Variants in CEP162 observed in about 807,000 individuals in gnomAD.
The protein encoded by CEP162 is centrosomal protein 162.
Under a neutral mutation model 169.2 loss-of-function variants are expected in CEP162, and 141 were observed. The ratio of observed to expected loss-of-function variants is 0.83; its 90% CI spans 0.73 to 0.96. CEP162 has a LOEUF of 0.96. Ranked by LOEUF, CEP162 falls within the 40% of genes least tolerant of loss-of-function variation. The pLI is 0.00. For synonymous variants in CEP162, 540 were observed against 526.4 expected (o/e 1.03, Z -0.35); for missense variants, 1,600 against 1,587.2 (o/e 1.01, Z -0.14).
chr6:84,218,714 G>C (rs755795358), intron 3 of CEP162, among the ~76,000 whole-genome samples: 41 of 152,176 alleles, frequency 2.7e-4, no homozygotes, highest in Non-Finnish European at 5.0e-4. Flanking sequence ...AAAAGGCTAA[G>C]AATCAATTTA....
chr6:84,163,924 A>T (rs915070537), intron 18 of CEP162, among the ~76,000 whole-genome samples: 20 of 152,076 alleles, frequency 1.3e-4, no homozygotes, highest in Admixed American at 2.0e-4. Flanking sequence ...GGCAACCTAC[A>T]GAATGGGAGG....
intron 11 of CEP162, among the ~76,000 whole-genome samples, chr6:84,186,983 T>C (rs896831705): frequency 1.3e-5 from 2 of 152,202 alleles, no homozygotes; most frequent in Non-Finnish European, 2.9e-5. Flanking sequence ...TATCTACAAT[T>C]TCTTATAAAG....
intron 9 of CEP162, among the ~76,000 whole-genome samples, chr6:84,198,090 C>T (rs1588856407): frequency 1.3e-5 from 2 of 152,098 alleles, no homozygotes; most frequent in African/African-American, 2.4e-5. Context: ...ATATTCTTAA[C>T]AAAAGAGAAT....
intron 11 of CEP162, among the ~76,000 whole-genome samples, chr6:84,190,031 T>C (rs917006778): frequency 6.6e-6 from 1 of 151,756 alleles, no homozygotes; most frequent in Non-Finnish European, 1.5e-5. Context: ...TGTGTTTAGC[T>C]CAAGGTTTGT....
chr6:84,161,666 T>C lies in CEP162; in HGVS notation c.2676+80A>G. The C allele has an allele frequency of 4.0e-6, 4 of 1,011,772 alleles. No individual in the cohort carries two copies. The South Asian group carries it at 6.1e-5, about 15-fold the overall frequency. 62.7% of individuals were successfully genotyped at this position (1,011,772 alleles called of 1,614,324 possible). A position where few individuals can be genotyped will look rare whatever the true frequency, so the allele number is the denominator to read the frequency against. On this transcript the variant is annotated intron_variant, in intron 20 of 26. Transcript: ENST00000403245. The stretch of plus-strand genomic sequence containing the variant: ...AGATCTTAATTAATTAATGATGCAA[T>C]GACAAAAGGTTATGTACAACAGATA...
At chr6:84,157,991 T>A (rs1562023931) in intron 21 of CEP162, among the ~76,000 whole-genome samples, 1 of 152,328 alleles carries the variant, frequency 6.6e-6, no homozygotes, top group East Asian at 1.9e-4. Context: ...AAGGACTGGA[T>A]ACTTTTCATT....
chr6:84,180,855 C>T (rs1470094507), intron 13 of CEP162, among the ~76,000 whole-genome samples: 3 of 151,986 alleles, frequency 2.0e-5, no homozygotes, highest in African/African-American at 7.3e-5. Flanking sequence ...AGGACACAAA[C>T]AAATGGAAGA....
Position 84,204,002 on chromosome 6 carries a change from TTC to T in CEP162, c.664_665del (p.Glu222LysfsTer17). 2 of 1,608,256 alleles carry T rather than the reference TTC, an allele frequency of 1.2e-6. No homozygotes were observed. The highest frequency in any genetic ancestry group is 2.2e-5 in the South Asian group (2 of 89,818). On this transcript the variant is annotated frameshift_variant, in exon 7 of 27. Transcript: ENST00000403245. LOFTEE classifies it high-confidence loss of function. ...EMPSKENSKS[E>X]KISVPKQEEE... ...ATACCTGTTTGGGCACACTTATTTT[TTC>T]TGATTTGGAATTCTCTTTGGAAGGC... is the stretch of plus-strand genomic sequence containing the variant.
rs889107768 is a variant in CEP162 at position 84,146,417 on chromosome 6, C to T, written c.3870+270G>A. Among the ~76,000 whole-genome samples the T allele has an allele frequency of 3.9e-5, 6 of 151,930 alleles. No homozygotes were observed. The East Asian group carries it at 5.8e-4, about 15-fold the overall frequency. On this transcript the variant is annotated intron_variant, in intron 25 of 26. Transcript: ENST00000403245. ...ATTCAATTTTGTCTCCTGAAGAAAA[C>T]AAACAGAAAACCCAAACATCTCCCG...
intron 11 of CEP162, among the ~76,000 whole-genome samples, chr6:84,190,011 A>G (rs999908527): frequency 1.2e-4 from 17 of 147,080 alleles, no homozygotes; most frequent in Admixed American, 6.1e-4. Context: ...AAATATACCA[A>G]TCAGCACCCT....
chr6:84,138,267 C>T (rs1247760945), intron 25 of CEP162, among the ~76,000 whole-genome samples: 1 of 152,182 alleles, frequency 6.6e-6, no homozygotes, highest in African/African-American at 2.4e-5. Flanking sequence ...TGTTTTCAGA[C>T]ACTGGATAAC....
chr6:84,152,979 A>T lies in CEP162; in HGVS notation c.3195T>A (p.Asp1065Glu). The T allele has an allele frequency of 1.9e-6, 3 of 1,613,572 alleles. No homozygotes were observed. Among genetic ancestry groups the T allele is most frequent in the Non-Finnish European group, 2.5e-6 (3 of 1,179,756 alleles). Residue 1065 changes from aspartate to glutamate, a missense_variant, in exon 23 of 27, where the codon GAT (aspartate) becomes GAA (glutamate). Coordinates refer to ENST00000403245, the MANE Select transcript of CEP162 (RefSeq NM_014895.4). Reference protein sequence around the residue: ...QNAELDVKKNDKDDEDFQSIE... With the variant: ...QNAELDVKKNEKDDEDFQSIE... ...TAGACTGAAAATCTTCATCATCTTTATCATTTTTCTTGACGTCTAATTCAG... is the reference window on the plus strand; with the variant it reads ...TAGACTGAAAATCTTCATCATCTTTTTCATTTTTCTTGACGTCTAATTCAG...
intron 11 of CEP162, among the ~76,000 whole-genome samples, chr6:84,188,357 T>C (rs944865560): frequency 1.4e-4 from 22 of 152,058 alleles, no homozygotes; most frequent in Admixed American, 1.4e-3. Flanking sequence ...TAGTACCCAA[T>C]AGGTAGTTTT....
chr6:84,203,920 A>G, intron 7 of CEP162, 61 bp downstream of exon 7: 1 of 932,286 alleles, frequency 1.1e-6, no homozygotes, highest in Non-Finnish European at 1.7e-6. Flanking sequence ...TCATATAGCA[A>G]TAGGCAGCCA....
chr6:84,132,804 C>T (rs910815013), intron 25 of CEP162, among the ~76,000 whole-genome samples: 9 of 152,084 alleles, frequency 5.9e-5, no homozygotes, highest in South Asian at 4.2e-4. Context: ...TCCTTTACCT[C>T]GGAGAAGTTT....
intron 23 of CEP162, among the ~76,000 whole-genome samples, chr6:84,150,574 G>A (rs563719157): frequency 6.6e-6 from 1 of 152,184 alleles, no homozygotes; most frequent in East Asian, 1.9e-4. Context: ...ATAGTAAAAA[G>A]TCTAAATATT....
intron 13 of CEP162, among the ~76,000 whole-genome samples, chr6:84,179,912 G>A (rs1193076681): frequency 6.6e-6 from 1 of 152,010 alleles, no homozygotes; most frequent in Non-Finnish European, 1.5e-5. Context: ...TTCTACCAGA[G>A]GTACAAGAAG....
intron 2 of CEP162, among the ~76,000 whole-genome samples, chr6:84,224,014 G>A (rs1346106195): frequency 1.3e-5 from 2 of 152,114 alleles, no homozygotes; most frequent in East Asian, 3.9e-4. Context: ...GCTACCATAT[G>A]ATACAGCAAT....
Position 84,163,168 on chromosome 6 carries a change from T to A in CEP162, c.2488A>T (p.Lys830Ter). The A allele has an allele frequency of 6.2e-7, 1 of 1,613,556 alleles. No individual in the cohort carries two copies. Among genetic ancestry groups the A allele is most frequent in the Non-Finnish European group, 8.5e-7 (1 of 1,179,618 alleles). Residue 830 changes from lysine (K) to a stop codon, truncating the protein, a stop_gained, in exon 19 of 27, where the codon AAA becomes TAA. Transcript: ENST00000403245. LOFTEE classifies it high-confidence loss of function. ...CCTGTGACATAAGCAATCTGATCTT[T>A]GGCTTGGTCCCTCTCTTTCTTCATT... The part of the protein sequence containing the change: ...EKMKKERDQA[K>*]DQIAYVTGEK...
Sources: gnomAD v4.1 joint callset for allele counts (sites outside exome capture counted in the v4.1 genomes callset) on GRCh38, gnomAD v4.1.1 for gene constraint, MANE v1.5 for transcripts, NCBI Gene and HGNC (gene_info 2026-07-23, HGNC 2026-07-21) for gene names.